GRXCR1: variants seen among roughly 807,000 people sequenced by gnomAD.
The protein encoded by GRXCR1 is glutaredoxin domain-containing cysteine-rich protein 1.
A neutral mutation model predicts 27.3 loss-of-function variants in GRXCR1; 27 were observed. The observed-to-expected ratio is 0.99, with a 90% CI of 0.73 to 1.37. The LOEUF (loss-of-function observed/expected upper bound fraction) is 1.37. Among genes scored for constraint, GRXCR1 ranks in the 40% most tolerant of loss-of-function variants. The probability of loss-of-function intolerance (pLI) is 0.00; values close to 1 mark genes in which losing one functional copy is unlikely to be tolerated. For synonymous variants in GRXCR1, 122 were observed against 131.1 expected (o/e 0.93, Z 0.47); for missense variants, 379 against 354.4 (o/e 1.07, Z -0.56).
intron 3 of GRXCR1, among the ~76,000 whole-genome samples, chr4:43,023,160 A>T (rs1005666270): frequency 2.0e-5 from 3 of 152,156 alleles, no homozygotes; most frequent in Admixed American, 2.0e-4. Flanking sequence ...GTTTCCTAGG[A>T]GGTAAGCTAG....
chr4:42,933,832 A>T lies in GRXCR1; in HGVS notation c.385-29060A>T, dbSNP rs139488410. On this transcript the variant is annotated intron_variant, in intron 1 of 3. Transcript: ENST00000399770. ...ACTGTTGTTTAAAGCCACCCAGTTG[A>T]TGATATTCTGTTATAGCAGCCTGAA... Among the ~76,000 whole-genome samples, 88 of 151,968 alleles carry T rather than the reference A, an allele frequency of 5.8e-4. 1 individual carries two copies. The East Asian group carries it at 0.016, about 28-fold the overall frequency.
intron 2 of GRXCR1, among the ~76,000 whole-genome samples, chr4:42,971,343 C>T: frequency 6.6e-6 from 1 of 152,154 alleles, no homozygotes; most frequent in East Asian, 1.9e-4. Flanking sequence ...TATAGCAATG[C>T]TCCACTACCA....
rs556526766 is a variant in GRXCR1 at position 42,906,068 on chromosome 4, ATCTT to A, written c.384+12422_384+12425del. On this transcript the variant is annotated intron_variant, in intron 1 of 3. Transcript: ENST00000399770. ...TTTCTGCCTGTCCTTGAGGATTTTA[ATCTT>A]TCTATTTTTTTTAAATCCATATTTT... is the stretch of plus-strand genomic sequence containing the variant. 2.0e-3 allele frequency among the ~76,000 whole-genome samples: 298 copies of A among 152,196 alleles called. 2 individuals carry two copies. The highest frequency in any genetic ancestry group is 6.8e-3 in the African/African-American group (281 of 41,540).
At chr4:42,971,163 G>T (rs1033357500) in intron 2 of GRXCR1, among the ~76,000 whole-genome samples, 4 of 152,114 alleles carry the variant, frequency 2.6e-5, no homozygotes, top group Non-Finnish European at 5.9e-5. Context: ...ACTTCAGCCT[G>T]GACATCATTG....
Position 42,986,895 on chromosome 4 carries a change from A to G in GRXCR1, c.627+23761A>G, listed in dbSNP as rs573476923. Among the ~76,000 whole-genome samples the G allele has an allele frequency of 1.2e-4, 18 of 152,012 alleles. No individual in the cohort carries two copies. In the East Asian group the frequency reaches 3.5e-3, roughly 30 times the overall value. The stretch of plus-strand genomic sequence containing the variant: ...CCTAAGCCTGGAAAGAAGAAGCCAA[A>G]CAGTCACCGAACAAACATTGAGTAC... On this transcript the variant is annotated intron_variant, in intron 2 of 3. Transcript: ENST00000399770.
chr4:42,975,294 G>A (rs947564978), intron 2 of GRXCR1, among the ~76,000 whole-genome samples: 1 of 152,104 alleles, frequency 6.6e-6, no homozygotes, highest in African/African-American at 2.4e-5. Flanking sequence ...TGTGCCTCAT[G>A]AAAGCAATTT....
intron 2 of GRXCR1, among the ~76,000 whole-genome samples, chr4:42,970,190 G>A (rs1463831783): frequency 6.6e-6 from 1 of 152,158 alleles, no homozygotes. Context: ...CCCAGAAGCT[G>A]CTTTCATGGG....
intron 2 of GRXCR1, among the ~76,000 whole-genome samples, chr4:43,014,394 A>C (rs537080690): frequency 2.0e-4 from 30 of 152,260 alleles, no homozygotes; most frequent in Admixed American, 7.9e-4. Context: ...TAGTCACAGC[A>C]ACAAACATTT....
chr4:42,984,767 A>T (rs921896691), intron 2 of GRXCR1, among the ~76,000 whole-genome samples: 1 of 152,116 alleles, frequency 6.6e-6, no homozygotes, highest in Admixed American at 6.5e-5. Flanking sequence ...CCTGTTGATG[A>T]GAGTTGTCCA....
At chr4:43,029,716 G>T (rs1186760989) in intron 3 of GRXCR1, among the ~76,000 whole-genome samples, 1 of 152,148 alleles carries the variant, frequency 6.6e-6, no homozygotes, top group Admixed American at 6.6e-5. Context: ...CTAAATTTCT[G>T]TGTTTGTTTT....
chr4:42,949,773 A>G (rs111663385), intron 1 of GRXCR1, among the ~76,000 whole-genome samples: 1 of 152,294 alleles, frequency 6.6e-6, no homozygotes, highest in Non-Finnish European at 1.5e-5. Context: ...TCAGAGAGAC[A>G]TAAGAGTGAA....
chr4:43,024,875 T>C (rs1261124537), intron 3 of GRXCR1, among the ~76,000 whole-genome samples: 6 of 152,170 alleles, frequency 3.9e-5, no homozygotes, highest in African/African-American at 1.4e-4. Context: ...ATTTGTTTTA[T>C]GGGTAATACT....
chr4:42,978,355 T>C (rs2109783301), intron 2 of GRXCR1, among the ~76,000 whole-genome samples: 1 of 152,172 alleles, frequency 6.6e-6, no homozygotes, highest in African/African-American at 2.4e-5. Flanking sequence ...ATATCATTGG[T>C]ATTTTGATAG....
chr4:42,968,544 G>T (rs555650375), intron 2 of GRXCR1, among the ~76,000 whole-genome samples: 16 of 152,012 alleles, frequency 1.1e-4, no homozygotes, highest in African/African-American at 2.7e-4. Flanking sequence ...AAAATGTACA[G>T]AAAAGTGCAC....
chr4:42,931,063 T>C (rs1577910017), intron 1 of GRXCR1, among the ~76,000 whole-genome samples: 1 of 152,032 alleles, frequency 6.6e-6, no homozygotes, highest in East Asian at 1.9e-4. Flanking sequence ...ATAAAGCTTT[T>C]TTTTTTCCCT....
At chr4:42,896,111 C>G (rs1283494378) in intron 1 of GRXCR1, among the ~76,000 whole-genome samples, 2 of 151,986 alleles carry the variant, frequency 1.3e-5, no homozygotes, top group African/African-American at 4.8e-5. Context: ...GAAAGAAAAC[C>G]CTAAATATAA....
At chr4:42,959,826 A>T (rs1391809076) in intron 1 of GRXCR1, among the ~76,000 whole-genome samples, 1 of 151,910 alleles carries the variant, frequency 6.6e-6, no homozygotes, top group African/African-American at 2.4e-5. Flanking sequence ...TTAAAAAAAA[A>T]TTGCAATTCA....
chr4:43,003,247 T>C (rs1237704149), intron 2 of GRXCR1, among the ~76,000 whole-genome samples: 1 of 152,148 alleles, frequency 6.6e-6, no homozygotes, highest in East Asian at 1.9e-4. Context: ...GGCATATGTA[T>C]ACGTATGTAA....
At chr4:42,974,114 G>A (rs1260573017) in intron 2 of GRXCR1, among the ~76,000 whole-genome samples, 3 of 152,082 alleles carry the variant, frequency 2.0e-5, no homozygotes, top group African/African-American at 7.2e-5. Flanking sequence ...ATGATTGCAG[G>A]GTACCAAATG....
Sources: allele counts gnomAD v4.1 joint callset (sites outside exome capture counted in the v4.1 genomes callset), GRCh38; gene constraint gnomAD v4.1.1; transcripts MANE v1.5; gene names NCBI Gene and HGNC (gene_info 2026-07-23, HGNC 2026-07-21).